TMEM178B: variants seen among roughly 807,000 people sequenced by gnomAD.
TMEM178B encodes transmembrane protein 178B.
Under a neutral mutation model 31.0 loss-of-function variants are expected in TMEM178B, and 5 were observed. That is an observed-to-expected ratio of 0.16 (90% confidence interval 0.08 to 0.34). The LOEUF is 0.34. Among genes scored for constraint, TMEM178B ranks in the 10% least tolerant of loss-of-function variants. The pLI, the probability that TMEM178B is intolerant of heterozygous loss-of-function variation, is 1.00. For synonymous variants in TMEM178B, 164 were observed against 164.0 expected (o/e 1.00, Z 0.00); for missense variants, 275 against 400.3 (o/e 0.69, Z 2.67).
At chr7:141,276,620 C>T (rs995420380) in intron 2 of TMEM178B, among the ~76,000 whole-genome samples, 2 of 151,914 alleles carry the variant, frequency 1.3e-5, no homozygotes, top group African/African-American at 2.4e-5. Context: ...CTTCAATTAC[C>T]TCCCACCAGG....
At chr7:141,383,927 G>T (rs1800379904) in intron 2 of TMEM178B, among the ~76,000 whole-genome samples, 1 of 152,132 alleles carries the variant, frequency 6.6e-6, no homozygotes, top group African/African-American at 2.4e-5. Flanking sequence ...GTGTGAGATG[G>T]TATCTCATTG....
At chr7:141,176,068 C>T (rs1389381092) in intron 1 of TMEM178B, among the ~76,000 whole-genome samples, 2 of 152,124 alleles carry the variant, frequency 1.3e-5, no homozygotes, top group Non-Finnish European at 2.9e-5. Context: ...AGTTTTTGTC[C>T]ATTCAGCATG....
the TMEM178B span, among the ~76,000 whole-genome samples, chr7:141,491,659 T>C: frequency 6.6e-6 from 1 of 152,182 alleles, no homozygotes; most frequent in African/African-American, 2.4e-5. Flanking sequence ...CCAAGTCTCA[T>C]TTTTCAGACA....
intron 1 of TMEM178B, among the ~76,000 whole-genome samples, chr7:141,178,081 G>A (rs1031191953): frequency 1.3e-5 from 2 of 152,156 alleles, no homozygotes; most frequent in Non-Finnish European, 2.9e-5. Context: ...GGCTGGTACC[G>A]GTTATTCCTT....
intron 2 of TMEM178B, among the ~76,000 whole-genome samples, chr7:141,229,356 A>G (rs1346799211): frequency 6.6e-6 from 1 of 152,106 alleles, no homozygotes; most frequent in Non-Finnish European, 1.5e-5. Flanking sequence ...CTCTGGCAGC[A>G]TGCATTTGCC....
At chr7:141,111,766 G>C (rs1795237895) in intron 1 of TMEM178B, among the ~76,000 whole-genome samples, 1 of 152,176 alleles carries the variant, frequency 6.6e-6, no homozygotes, top group Non-Finnish European at 1.5e-5. Context: ...CTCAGATAGA[G>C]GGCTAGAACA....
chr7:141,399,886 T>G (rs1586935314), intron 2 of TMEM178B, among the ~76,000 whole-genome samples: 1 of 152,162 alleles, frequency 6.6e-6, no homozygotes, highest in Admixed American at 6.5e-5. Context: ...TGCTCCTCCC[T>G]TTCTTCCTTC....
chr7:141,490,280 T>G, the TMEM178B span, among the ~76,000 whole-genome samples: 1 of 152,220 alleles, frequency 6.6e-6, no homozygotes, highest in Non-Finnish European at 1.5e-5. Flanking sequence ...TGACCTTATT[T>G]GGAAATACGG....
chr7:141,101,752 A>G (rs1385559015), intron 1 of TMEM178B, among the ~76,000 whole-genome samples: 1 of 152,184 alleles, frequency 6.6e-6, no homozygotes, highest in Non-Finnish European at 1.5e-5. Flanking sequence ...TTAATGGCCT[A>G]TTACTAAAAA....
intron 2 of TMEM178B, among the ~76,000 whole-genome samples, chr7:141,336,648 T>C (rs1433809405): frequency 6.6e-6 from 1 of 151,924 alleles, no homozygotes; most frequent in African/African-American, 2.4e-5. Context: ...GTTTCAAAAA[T>C]AATATAATTA....
chr7:141,377,443 T>G (rs1800237642), intron 2 of TMEM178B, among the ~76,000 whole-genome samples: 1 of 151,360 alleles, frequency 6.6e-6, no homozygotes, highest in Non-Finnish European at 1.5e-5. Context: ...TCGGCCTCCC[T>G]GCTTCTATTT....
chr7:141,286,190 A>G (rs1275100030), intron 2 of TMEM178B, among the ~76,000 whole-genome samples: 1 of 152,224 alleles, frequency 6.6e-6, no homozygotes, highest in Non-Finnish European at 1.5e-5. Flanking sequence ...AACTGATACT[A>G]TCTATATTGT....
At chr7:141,142,734 T>A (rs11972045) in intron 1 of TMEM178B, among the ~76,000 whole-genome samples, 9,235 of 152,284 alleles carry the variant, frequency 0.061, 939 homozygotes, top group African/African-American at 0.21. Context: ...TTGGATGTAT[T>A]CCCAGTAATG....
intron 2 of TMEM178B, among the ~76,000 whole-genome samples, chr7:141,237,508 T>C (rs1371851221): frequency 6.6e-6 from 1 of 152,208 alleles, no homozygotes; most frequent in Non-Finnish European, 1.5e-5. Context: ...ATGTAGATTA[T>C]GCTTCTAGCT....
rs1183614421 is a variant in TMEM178B, at chr7:141,344,570, TCCTC to T, written c.497-93034_497-93031del. Among the ~76,000 whole-genome samples the T allele has an allele frequency of 5.8e-5, 8 of 137,048 alleles. No homozygotes were observed. The highest frequency in any genetic ancestry group is 2.3e-4 in the Admixed American group (3 of 13,066). The allele number at this position is 137,048 out of a possible 152,430, so 89.9% of individuals were successfully genotyped here. ...CTCCCTCCCTCCCTCCATTCCTCCCTCCTCCCTTCCTTCCTTCCTTCCTTCCTTC... is the reference window on the plus strand; with the variant it reads ...CTCCCTCCCTCCCTCCATTCCTCCCTCCTTCCTTCCTTCCTTCCTTCCTTC... On this transcript the variant is annotated intron_variant, in intron 2 of 3. Coordinates refer to ENST00000565468, the MANE Select transcript of TMEM178B (RefSeq NM_001195278.2). The surrounding 1 kb of genome is among the most constrained non-coding windows in gnomAD (Gnocchi z 4.1).
chr7:141,506,705 A>G, the TMEM178B span, among the ~76,000 whole-genome samples: 2 of 152,034 alleles, frequency 1.3e-5, no homozygotes, highest in African/African-American at 4.8e-5. Context: ...AAAACCAATC[A>G]TGCCTTCCCA....
intron 2 of TMEM178B, among the ~76,000 whole-genome samples, chr7:141,402,155 G>A (rs1189026632): frequency 6.6e-6 from 1 of 152,184 alleles, no homozygotes; most frequent in Non-Finnish European, 1.5e-5. Context: ...TACACTAAAA[G>A]GCACTCCAAG....
In TMEM178B at chr7:141,461,357, C is replaced by G. The variant is rs578091267; in HGVS notation, c.635-9179C>G. Among the ~76,000 whole-genome samples, 10 of 152,200 alleles carry G rather than the reference C, an allele frequency of 6.6e-5. No individual in the cohort carries two copies. The highest frequency in any genetic ancestry group is 1.2e-4 in the Non-Finnish European group (8 of 68,036). ...GCCAGGATTGGGGATCCGCAGACAC[C>G]GTTCCACATTCCTGGGAGCAGAAAA... On this transcript the variant is annotated intron_variant, in intron 3 of 3. Coordinates refer to ENST00000565468, the MANE Select transcript of TMEM178B (RefSeq NM_001195278.2). This position sits in a 1 kb window ranked among gnomAD's most constrained non-coding sequence, Gnocchi z 4.0.
chr7:141,276,305 C>T (rs372158780), intron 2 of TMEM178B, among the ~76,000 whole-genome samples: 16 of 152,170 alleles, frequency 1.1e-4, no homozygotes, highest in Admixed American at 3.9e-4. Flanking sequence ...CGCTGAACGA[C>T]GGGGATATAC....
Sources: allele counts gnomAD v4.1 joint callset (sites outside exome capture counted in the v4.1 genomes callset), GRCh38; gene constraint gnomAD v4.1.1; non-coding constraint Gnocchi (gnomAD v3.1); transcripts MANE v1.5; gene names NCBI Gene and HGNC (gene_info 2026-07-23, HGNC 2026-07-21).